ZCCHC24: variants seen among roughly 807,000 people sequenced by gnomAD.
ZCCHC24 encodes the protein zinc finger CCHC domain-containing protein 24.
In ZCCHC24, 10 loss-of-function variants were observed where a neutral mutation model predicts 26.2. The ratio of observed to expected loss-of-function variants is 0.38; its 90% CI spans 0.24 to 0.65. The LOEUF (loss-of-function observed/expected upper bound fraction) is 0.65. Among genes scored for constraint, ZCCHC24 ranks in the 30% least tolerant of loss-of-function variants. ZCCHC24 has a pLI of 0.54. For synonymous variants in ZCCHC24, 144 were observed against 147.1 expected (o/e 0.98, Z 0.15); for missense variants, 243 against 329.1 (o/e 0.74, Z 2.03).
chr10:79,423,310 GGAGT>G (rs1856972315), intron 2 of ZCCHC24, among the ~76,000 whole-genome samples: 1 of 152,018 alleles, frequency 6.6e-6, no homozygotes, highest in African/African-American at 2.4e-5. Context: ...CAGCACTTTG[GGAGT>G]CCGAGGCAGG....
At chr10:79,393,078 A>G (rs566220057) in intron 3 of ZCCHC24, among the ~76,000 whole-genome samples, 1 of 152,120 alleles carries the variant, frequency 6.6e-6, no homozygotes, top group East Asian at 1.9e-4. Context: ...TGACCATCAA[A>G]CACTGGGATT....
At chr10:79,432,527 A>G (rs1857146089) in intron 2 of ZCCHC24, 31 bp downstream of exon 2, 1 of 1,584,012 alleles carries the variant, frequency 6.3e-7, no homozygotes, top group Admixed American at 1.9e-5. Flanking sequence ...AGGGGAGCCC[A>G]AGAGCACCCC....
chr10:79,435,818 C>T (rs1223176799), intron 1 of ZCCHC24, among the ~76,000 whole-genome samples: 1 of 152,224 alleles, frequency 6.6e-6, no homozygotes, highest in East Asian at 1.9e-4. Flanking sequence ...TCTGAGGCCC[C>T]GTTTGAGCTC....
intron 3 of ZCCHC24, among the ~76,000 whole-genome samples, chr10:79,389,534 G>GTGTA (rs1856445366): frequency 8.3e-6 from 1 of 121,090 alleles, no homozygotes; most frequent in Non-Finnish European, 1.8e-5. Flanking sequence ...TTCCTAGTGT[G>GTGTA]TGTGTGTGTG....
intron 1 of ZCCHC24, 62 bp from the exon 2 acceptor site, chr10:79,432,820 C>A (rs1256727715): frequency 2.6e-6 from 4 of 1,528,486 alleles, no homozygotes; most frequent in South Asian, 1.2e-5. Context: ...CATAACCCCC[C>A]ACCCAAACAC....
chr10:79,405,075 G>A lies in ZCCHC24; in HGVS notation c.448-10635C>T, dbSNP rs572092765. On this transcript the variant is annotated intron_variant, in intron 2 of 3. Transcript: ENST00000372336. ...CTGGTGTGGAGATAAGAACCCACCC[G>A]CCGCCTTGCCCTGGAGAAGGCCCTC... Among the ~76,000 whole-genome samples, 9 of 152,264 alleles carry A rather than the reference G, an allele frequency of 5.9e-5. No homozygotes were observed. In the East Asian group the frequency reaches 7.7e-4, roughly 13 times the overall value.
intron 2 of ZCCHC24, among the ~76,000 whole-genome samples, chr10:79,399,760 G>C (rs1036485979): frequency 1.3e-5 from 2 of 152,268 alleles, no homozygotes; most frequent in Non-Finnish European, 1.5e-5. Context: ...TGCAGGGCGG[G>C]GAAGTGGGAG....
chr10:79,402,309 T>A (rs1856644219), intron 2 of ZCCHC24, among the ~76,000 whole-genome samples: 1 of 152,190 alleles, frequency 6.6e-6, no homozygotes, highest in Non-Finnish European at 1.5e-5. Flanking sequence ...GGAGTCTCGC[T>A]CTGTCACCCA....
intron 1 of ZCCHC24, among the ~76,000 whole-genome samples, chr10:79,441,074 C>A (rs1423317999): frequency 9.5e-6 from 1 of 105,688 alleles, no homozygotes; most frequent in Non-Finnish European, 1.8e-5. Flanking sequence ...TGGAGCTGCC[C>A]CCTAAACACA....
intron 2 of ZCCHC24, among the ~76,000 whole-genome samples, chr10:79,421,147 G>A (rs1001695184): frequency 4.6e-5 from 5 of 108,882 alleles, no homozygotes; most frequent in East Asian, 3.5e-4. Context: ...CTACCCTAAC[G>A]TCAGCATCTA....
intron 2 of ZCCHC24, among the ~76,000 whole-genome samples, chr10:79,415,385 C>T (rs116083129): frequency 9.9e-5 from 15 of 152,248 alleles, no homozygotes; most frequent in African/African-American, 3.6e-4. Context: ...GAATCCGTTC[C>T]AGCTCTGCCT....
At position 79,386,247 on chromosome 10, in the gene ZCCHC24, C is replaced by T. The variant is rs1266878848; in HGVS notation, c.*98G>A. The T allele has an allele frequency of 8.5e-7, 1 of 1,172,988 alleles. No individual in the cohort carries two copies. Among genetic ancestry groups the T allele is most frequent in the South Asian group, 1.3e-5 (1 of 76,654 alleles). The allele number at this position is 1,172,988 out of a possible 1,614,324, so 72.7% of individuals were successfully genotyped here. ...AGCCCCGCAGGCCTGCGAGGGCACCCCATGCACAGGGCGACACGCAGCCCC... is the reference window on the plus strand; with the variant it reads ...AGCCCCGCAGGCCTGCGAGGGCACCTCATGCACAGGGCGACACGCAGCCCC... On this transcript the variant is annotated 3_prime_UTR_variant, in exon 4 of 4. Coordinates refer to ENST00000372336, the MANE Select transcript of ZCCHC24 (RefSeq NM_153367.4).
At chr10:79,444,892 C>G (rs1857341728) in intron 1 of ZCCHC24, among the ~76,000 whole-genome samples, 1 of 152,222 alleles carries the variant, frequency 6.6e-6, no homozygotes, top group Non-Finnish European at 1.5e-5. Flanking sequence ...ACAACCCCTC[C>G]TCAACTCCCT....
At chr10:79,402,867 C>T (rs1190277197) in intron 2 of ZCCHC24, among the ~76,000 whole-genome samples, 1 of 152,206 alleles carries the variant, frequency 6.6e-6, no homozygotes, top group South Asian at 2.1e-4. Context: ...AAAAAGCCTG[C>T]TCCTAGGAAC....
chr10:79,430,686 C>CA (rs370025190), intron 2 of ZCCHC24, among the ~76,000 whole-genome samples: 3,034 of 140,544 alleles, frequency 0.022, 97 homozygotes, highest in African/African-American at 0.071. Context: ...CACACACACA[C>CA]CACACACACA....
At chr10:79,438,836 AG>A (rs1438955332) in intron 1 of ZCCHC24, among the ~76,000 whole-genome samples, 1 of 152,214 alleles carries the variant, frequency 6.6e-6, no homozygotes, top group Non-Finnish European at 1.5e-5. Context: ...CAACAGCTCC[AG>A]CCCAGGGTCA....
intron 1 of ZCCHC24, among the ~76,000 whole-genome samples, chr10:79,435,208 C>CT (rs111649601): frequency 0.011 from 1,654 of 149,736 alleles, 39 homozygotes; most frequent in African/African-American, 0.035. Context: ...TTCTTTCTTT[C>CT]TTTTTTTTTT....
chr10:79,391,864 C>A (rs893969419), intron 3 of ZCCHC24, among the ~76,000 whole-genome samples: 1 of 151,336 alleles, frequency 6.6e-6, no homozygotes, highest in African/African-American at 2.4e-5. Flanking sequence ...ACATGGATGG[C>A]CCATCCCACC....
intron 1 of ZCCHC24, among the ~76,000 whole-genome samples, chr10:79,439,925 T>C (rs1251923122): frequency 6.6e-6 from 1 of 152,100 alleles, no homozygotes; most frequent in Non-Finnish European, 1.5e-5. Context: ...CATCCATTTG[T>C]GTCATAAAGA....
Sources: gnomAD v4.1 joint callset for allele counts (sites outside exome capture counted in the v4.1 genomes callset) on GRCh38, gnomAD v4.1.1 for gene constraint, MANE v1.5 for transcripts, NCBI Gene and HGNC (gene_info 2026-07-23, HGNC 2026-07-21) for gene names.